Variants in CUX1 observed in about 807,000 individuals in gnomAD.
The protein encoded by CUX1 is cut like homeobox 1.
CUX1 carries 31 observed loss-of-function variants against 158.8 expected under a neutral mutation model. That is an observed-to-expected ratio of 0.20 (90% CI 0.15 to 0.26). The LOEUF is 0.26. Ranked by LOEUF, CUX1 falls within the 10% of genes least tolerant of loss-of-function variation. The pLI is 1.00. For missense variants in CUX1, 1,589 were observed against 2,014.6 expected (o/e 0.79, Z 4.04); for synonymous variants, 879 against 862.1 (o/e 1.02, Z -0.34).
chr7:102,069,008 G>C (rs1448129908), intron 3 of CUX1, among the ~76,000 whole-genome samples: 2 of 152,156 alleles, frequency 1.3e-5, no homozygotes, highest in Non-Finnish European at 2.9e-5. Flanking sequence ...AACCTTGCCA[G>C]TTGCCTAATC....
At chr7:102,160,054 A>C (rs1446446804) in intron 9 of CUX1, among the ~76,000 whole-genome samples, 1 of 147,120 alleles carries the variant, frequency 6.8e-6, no homozygotes, top group Non-Finnish European at 1.5e-5. Context: ...GGTGACATGC[A>C]CCTGTCATCC....
intron 3 of CUX1, among the ~76,000 whole-genome samples, chr7:102,065,117 G>C (rs1481928811): frequency 6.6e-6 from 1 of 151,840 alleles, no homozygotes; most frequent in African/African-American, 2.4e-5. Flanking sequence ...GGTCTCACTT[G>C]GTCATCCAGG....
chr7:101,906,320 C>T (rs775584344), intron 1 of CUX1, among the ~76,000 whole-genome samples: 1 of 151,928 alleles, frequency 6.6e-6, no homozygotes, highest in Non-Finnish European at 1.5e-5. Flanking sequence ...AGGTTCCCAT[C>T]TCTTATGAGG....
At chr7:101,886,463 A>G (rs1800239365) in intron 1 of CUX1, among the ~76,000 whole-genome samples, 1 of 152,154 alleles carries the variant, frequency 6.6e-6, no homozygotes, top group Non-Finnish European at 1.5e-5. Context: ...GGCTTCCCAA[A>G]GTATTGGGAT....
At chr7:101,929,955 C>T (rs917923763) in intron 2 of CUX1, among the ~76,000 whole-genome samples, 2 of 152,188 alleles carry the variant, frequency 1.3e-5, no homozygotes, top group Admixed American at 6.5e-5. Context: ...GATTCTCCTA[C>T]CTCAGCCTCC....
chr7:101,966,303 CT>C (rs112153295), intron 2 of CUX1, among the ~76,000 whole-genome samples: 5,023 of 133,424 alleles, frequency 0.038, 102 homozygotes, highest in Middle Eastern at 0.072. Flanking sequence ...TTTTGACTGT[CT>C]TTTTTTTTTT....
chr7:102,184,646 T>C (rs1445694472), intron 11 of CUX1, among the ~76,000 whole-genome samples: 1 of 152,148 alleles, frequency 6.6e-6, no homozygotes, highest in African/African-American at 2.4e-5. Flanking sequence ...TCATGCATTT[T>C]ATTTTATTTT....
At chr7:102,259,629 C>T (rs1444471352), downstream of CUX1, among the ~76,000 whole-genome samples, 1 of 151,650 alleles carries the variant, frequency 6.6e-6, no homozygotes, top group Non-Finnish European at 1.5e-5. Flanking sequence ...AGAACTCTGC[C>T]AGTTTGGTAT....
intron 9 of CUX1, 25 bp downstream of exon 9, chr7:102,158,633 C>T (rs1554506084): frequency 1.2e-6 from 2 of 1,611,350 alleles, no homozygotes; most frequent in African/African-American, 1.3e-5. Flanking sequence ...GCTTTTAGTC[C>T]TAAAACCCAC....
chr7:102,169,188 C>A (rs1010036680), intron 9 of CUX1, among the ~76,000 whole-genome samples: 3 of 152,074 alleles, frequency 2.0e-5, no homozygotes, highest in African/African-American at 7.2e-5. Context: ...CCACTTCAGT[C>A]TCCCAAAGTG....
intron 2 of CUX1, among the ~76,000 whole-genome samples, chr7:101,991,017 C>T (rs868428028): frequency 2.0e-5 from 3 of 152,236 alleles, no homozygotes; most frequent in Middle Eastern, 6.8e-3. Context: ...TTAAACCTCC[C>T]CTGGGATTTG....
intron 20 of CUX1, among the ~76,000 whole-genome samples, chr7:102,222,922 C>A (rs527349246): frequency 6.7e-6 from 1 of 148,292 alleles, no homozygotes; most frequent in Non-Finnish European, 1.5e-5. Flanking sequence ...CAGGTTCAAG[C>A]AATTCCCCTG....
intron 3 of CUX1, among the ~76,000 whole-genome samples, chr7:102,045,879 C>T (rs1273604864): frequency 2.0e-5 from 3 of 152,204 alleles, no homozygotes; most frequent in Non-Finnish European, 4.4e-5. Context: ...GGGACCCGCT[C>T]CAGGGACCCA....
intron 4 of CUX1, among the ~76,000 whole-genome samples, chr7:102,087,222 T>G (rs925178615): frequency 1.1e-4 from 16 of 152,334 alleles, no homozygotes; most frequent in African/African-American, 3.8e-4. Context: ...ACTGATTTTT[T>G]TAATGTTTTT....
At chr7:102,279,968 C>A in intron 18 of CUX1, 1 of 1,034,050 alleles carries the variant, frequency 9.7e-7, no homozygotes, top group Non-Finnish European at 1.5e-6. Flanking sequence ...TGAGGCTCCC[C>A]TGGGCTCCTG....
intron 4 of CUX1, among the ~76,000 whole-genome samples, chr7:102,072,699 G>A (rs1472426430): frequency 6.6e-6 from 1 of 152,174 alleles, no homozygotes; most frequent in African/African-American, 2.4e-5. Flanking sequence ...AAGTCAGGGT[G>A]AATCAGCCTT....
intron 4 of CUX1, among the ~76,000 whole-genome samples, chr7:102,073,187 T>TTTTTTTTTTTTTTG: frequency 8.0e-6 from 1 of 125,118 alleles, no homozygotes; most frequent in African/African-American, 3.2e-5. Context: ...TTTTTTTTTT[T>TTTTTTTTTTTTTTG]TTCTGAGACA....
intron 2 of CUX1, among the ~76,000 whole-genome samples, chr7:101,938,782 G>A (rs1338230545): frequency 6.6e-6 from 1 of 151,564 alleles, no homozygotes; most frequent in South Asian, 2.1e-4. Flanking sequence ...GGCTCATGCC[G>A]GTAATCCCAG....
At chr7:102,013,027 G>A (rs192513198) in intron 2 of CUX1, among the ~76,000 whole-genome samples, 1 of 151,844 alleles carries the variant, frequency 6.6e-6, no homozygotes, top group South Asian at 2.1e-4. Context: ...ACGGCCCTGT[G>A]GTGTTCGCTA....
Sources: allele counts gnomAD v4.1 joint callset (sites outside exome capture counted in the v4.1 genomes callset), GRCh38; gene constraint gnomAD v4.1.1; transcripts MANE v1.5; gene names NCBI Gene and HGNC (gene_info 2026-07-23, HGNC 2026-07-21).